EYA4: variants seen among roughly 807,000 people sequenced by gnomAD.
EYA4 encodes the protein EYA transcriptional coactivator and phosphatase 4.
A neutral mutation model predicts 87.9 loss-of-function variants in EYA4; 31 were observed. That is an observed-to-expected ratio of 0.35 (90% CI 0.27 to 0.48). EYA4 has a LOEUF of 0.48. EYA4 is among the 20% of genes least tolerant of loss of function. The probability of loss-of-function intolerance (pLI) is 0.99; values close to 1 mark genes in which losing one functional copy is unlikely to be tolerated. For missense variants in EYA4, 678 were observed against 761.4 expected, an observed-to-expected ratio of 0.89 and a Z score of 1.29; for synonymous variants, 263 against 270.6, an observed-to-expected ratio of 0.97 and a Z score of 0.28.
intron 14 of EYA4, chr6:133,507,158 T>C (rs1798710234): frequency 6.6e-6 from 1 of 152,224 alleles, no homozygotes; most frequent in Non-Finnish European, 1.5e-5. Flanking sequence ...TACTTAACAA[T>C]GTATTGAAGT....
intron 2 of EYA4, chr6:133,325,223 A>C (rs1196580693): frequency 2.0e-5 from 3 of 152,216 alleles, no homozygotes; most frequent in Admixed American, 2.0e-4. Context: ...AATCTTCTAA[A>C]GCCAGCTGGC....
At chr6:133,319,130 A>G (rs953710679) in intron 2 of EYA4, among the ~76,000 whole-genome samples, 1 of 152,260 alleles carries the variant, frequency 6.6e-6, no homozygotes, top group South Asian at 2.1e-4. Flanking sequence ...CACCTCTTCT[A>G]TCAGATTTTA....
intron 17 of EYA4, among the ~76,000 whole-genome samples, chr6:133,522,050 G>T (rs1800211307): frequency 7.0e-6 from 1 of 142,150 alleles, no homozygotes; most frequent in Non-Finnish European, 1.5e-5. Context: ...CACCAGCATG[G>T]CACATGTATG....
chr6:133,305,969 T>G (rs1779771040), intron 2 of EYA4, among the ~76,000 whole-genome samples: 1 of 133,182 alleles, frequency 7.5e-6, no homozygotes, highest in Admixed American at 7.7e-5. Flanking sequence ...TGATTATCTA[T>G]GTGCTTAATA....
chr6:133,274,714 A>T lies in EYA4; in HGVS notation c.-65-2A>T, dbSNP rs1056180297. 5 of 1,307,036 alleles carry T rather than the reference A, an allele frequency of 3.8e-6. No homozygotes were observed. Among genetic ancestry groups the T allele is most frequent in the Non-Finnish European group, 4.4e-6 (4 of 900,722 alleles). 81.0% of individuals were successfully genotyped at this position (1,307,036 alleles called of 1,614,324 possible). On this transcript the variant is annotated splice_acceptor_variant, in intron 1 of 19. Transcript: ENST00000355286. LOFTEE classifies it low-confidence loss of function (5UTR_SPLICE). ...CCCTTTGTTTCCATCTTCTTGTTTT[A>T]GATAGTCATTTTTACTTGAAGGAAG... is the stretch of plus-strand genomic sequence containing the variant.
rs139057308 is a variant in EYA4 at position 133,486,559 on chromosome 6, C to CA, written c.1191+3453dup. ...AAACCAAACAAAAAACAAAACAAAA[C>CA]AAAAAAAAACACATTTCAGGTATTG... is the stretch of plus-strand genomic sequence containing the variant. On this transcript the variant is annotated intron_variant, in intron 13 of 19. Transcript: ENST00000355286. 4.3e-3 allele frequency among the ~76,000 whole-genome samples: 651 copies of CA among 150,306 alleles called. 4 individuals are homozygous for CA. The highest frequency in any genetic ancestry group is 0.017 in the Middle Eastern group (5 of 290).
In EYA4 at chr6:133,424,262, G is replaced by T. The variant is rs897567055; in HGVS notation, c.84-22368G>T. 2.0e-5 allele frequency among the ~76,000 whole-genome samples: 3 copies of T among 152,166 alleles called. No homozygotes were observed. The East Asian group carries it at 5.8e-4, about 29-fold the overall frequency. On this transcript the variant is annotated intron_variant, in intron 3 of 19. Transcript: ENST00000355286. ...GAAGTGCCTGCCAAATGGTCCATGG[G>T]TGGCCATTGGTGGCCCAGAAGAGGC...
At chr6:133,469,508 A>G (rs572031898) in intron 11 of EYA4, among the ~76,000 whole-genome samples, 3 of 152,192 alleles carry the variant, frequency 2.0e-5, no homozygotes, top group Admixed American at 6.6e-5. Context: ...ACATAGAGCA[A>G]TGAAACACAA....
At chr6:133,448,832 A>G (rs1212509227) in intron 5 of EYA4, among the ~76,000 whole-genome samples, 1 of 152,198 alleles carries the variant, frequency 6.6e-6, no homozygotes, top group African/African-American at 2.4e-5. Context: ...AAAAAAATCA[A>G]TTAGAACAAA....
intron 2 of EYA4, among the ~76,000 whole-genome samples, chr6:133,299,667 G>C (rs546285308): frequency 1.3e-5 from 2 of 150,720 alleles, no homozygotes; most frequent in African/African-American, 4.9e-5. Context: ...ATCCGAGATC[G>C]CGCCACTGCA....
intron 16 of EYA4, among the ~76,000 whole-genome samples, chr6:133,514,451 G>A (rs1341807523): frequency 6.6e-6 from 1 of 152,080 alleles, no homozygotes; most frequent in Non-Finnish European, 1.5e-5. Flanking sequence ...TTGTATCTTA[G>A]AAACTTTAAA....
At chr6:133,517,656 G>C (rs112312365) in intron 17 of EYA4, among the ~76,000 whole-genome samples, 1 of 152,194 alleles carries the variant, frequency 6.6e-6, no homozygotes, top group East Asian at 1.9e-4. Context: ...AATGGAGAGC[G>C]GAGGGGAAGT....
In EYA4 at chr6:133,330,009, C is replaced by T. The variant is rs114275749; in HGVS notation, c.34-52383C>T. ...AATTGGGTCAGAGCCAGGAACTTGA[C>T]CATTTAATGAAACAATGTACAGTGA... is the stretch of plus-strand genomic sequence containing the variant. On this transcript the variant is annotated intron_variant, in intron 2 of 19. Transcript: ENST00000355286. Among the ~76,000 whole-genome samples the T allele has an allele frequency of 2.3e-3, 351 of 151,882 alleles. 1 individual carries two copies. Among genetic ancestry groups the T allele is most frequent in the African/African-American group, 8.0e-3 (332 of 41,456 alleles).
chr6:133,481,011 G>GGGAAGATGGGAGAGGTGGAAT (rs1796167936), intron 11 of EYA4, among the ~76,000 whole-genome samples: 4 of 148,806 alleles, frequency 2.7e-5, no homozygotes, highest in Non-Finnish European at 5.9e-5. Context: ...AGAGGTGGAA[G>GGGAAGATGGGAGAGGTGGAAT]GGAAGATGAG....
intron 2 of EYA4, among the ~76,000 whole-genome samples, chr6:133,368,847 A>G (rs919113037): frequency 1.3e-5 from 2 of 152,226 alleles, no homozygotes; most frequent in Non-Finnish European, 2.9e-5. Flanking sequence ...TCCTAAAGCC[A>G]TTGGGGCGTC....
chr6:133,434,053 G>C (rs1791423065), intron 3 of EYA4, among the ~76,000 whole-genome samples: 1 of 152,178 alleles, frequency 6.6e-6, no homozygotes, highest in African/African-American at 2.4e-5. Context: ...TGTGACTATG[G>C]GGACCACTGT....
chr6:133,275,042 A>G (rs575455018), intron 2 of EYA4, among the ~76,000 whole-genome samples: 1 of 152,292 alleles, frequency 6.6e-6, no homozygotes, highest in South Asian at 2.1e-4. Flanking sequence ...TTGGAAAACT[A>G]GTGGTGGAAA....
At chr6:133,473,731 T>C (rs1795479306) in intron 11 of EYA4, among the ~76,000 whole-genome samples, 1 of 151,920 alleles carries the variant, frequency 6.6e-6, no homozygotes, top group Non-Finnish European at 1.5e-5. Context: ...GGCTCTCTGT[T>C]TTGGCTTTTC....
chr6:133,447,670 A>C (rs996367612), intron 4 of EYA4, among the ~76,000 whole-genome samples: 3 of 152,146 alleles, frequency 2.0e-5, no homozygotes, highest in African/African-American at 7.2e-5. Context: ...TTTTCTCTGT[A>C]AGGTTGTGTG....
Sources: allele counts gnomAD v4.1 joint callset (sites outside exome capture counted in the v4.1 genomes callset), GRCh38; gene constraint gnomAD v4.1.1; transcripts MANE v1.5; gene names NCBI Gene and HGNC (gene_info 2026-07-23, HGNC 2026-07-21).